Variants in CNTNAP5 observed in about 807,000 individuals in gnomAD.
CNTNAP5 encodes the protein contactin-associated protein-like 5.
CNTNAP5 carries 72 observed loss-of-function variants against 150.2 expected under a neutral mutation model. The observed-to-expected ratio is 0.48, with a 90% confidence interval of 0.40 to 0.58. The LOEUF is 0.58. Ranked by LOEUF, CNTNAP5 falls within the 20% of genes least tolerant of loss-of-function variation. The pLI is 0.00. For synonymous variants in CNTNAP5, 672 were observed against 619.8 expected, an observed-to-expected ratio of 1.08 and a Z score of -1.25; for missense variants, 1,636 against 1,626.2, an observed-to-expected ratio of 1.01 and a Z score of -0.10.
chr2:124,772,667 A>T, intron 16 of CNTNAP5, 132 bp from the exon 17 acceptor site: 1 of 659,644 alleles, frequency 1.5e-6, no homozygotes, highest in Middle Eastern at 4.0e-4. Context: ...TGGTGATTTC[A>T]GTGCTGCAGG....
At chr2:124,750,605 C>A (rs1680703356) in intron 14 of CNTNAP5, among the ~76,000 whole-genome samples, 1 of 152,066 alleles carries the variant, frequency 6.6e-6, no homozygotes, top group Non-Finnish European at 1.5e-5. Flanking sequence ...ACGGTCCCTG[C>A]CCTTGAGGAA....
intron 3 of CNTNAP5, among the ~76,000 whole-genome samples, chr2:124,417,152 C>T (rs917760728): frequency 6.6e-6 from 1 of 151,878 alleles, no homozygotes. Context: ...GCTAGCCAGT[C>T]TGGTCTCAGA....
chr2:124,696,493 C>G (rs1204929052), intron 13 of CNTNAP5, among the ~76,000 whole-genome samples: 1 of 152,144 alleles, frequency 6.6e-6, no homozygotes, highest in Non-Finnish European at 1.5e-5. Flanking sequence ...AAGGCTGATT[C>G]CTGTCTAGTG....
chr2:124,055,924 A>G (rs1297817824), intron 1 of CNTNAP5, among the ~76,000 whole-genome samples: 1 of 151,212 alleles, frequency 6.6e-6, no homozygotes, highest in East Asian at 1.9e-4. Flanking sequence ...ATCCATGTCC[A>G]CTGCCATGGC....
chr2:124,387,456 AAG>A (rs1389685462), intron 3 of CNTNAP5, among the ~76,000 whole-genome samples: 5 of 152,238 alleles, frequency 3.3e-5, no homozygotes, highest in Admixed American at 2.0e-4. Context: ...TGAATCCGAA[AAG>A]AGAGTCAGCG....
At chr2:124,148,097 G>A (rs58085685) in intron 1 of CNTNAP5, among the ~76,000 whole-genome samples, 3 of 152,214 alleles carry the variant, frequency 2.0e-5, no homozygotes, top group African/African-American at 7.2e-5. Context: ...GTCTCAGGTT[G>A]TCAAGGCTTA....
chr2:124,760,131 A>G lies in CNTNAP5; in HGVS notation c.2235-3541A>G, dbSNP rs1573598973. Among the ~76,000 whole-genome samples, 4 of 151,786 alleles carry G rather than the reference A, an allele frequency of 2.6e-5. No individual in the cohort carries two copies. In the South Asian group the frequency reaches 8.3e-4, roughly 32 times the overall value. ...TTTGCAGCCATAAGAAATGTAAAAC[A>G]TCATGTACCCCACTCAGGAGAAGGG... On this transcript the variant is annotated intron_variant, in intron 14 of 23. Transcript: ENST00000682447.
intron 11 of CNTNAP5, among the ~76,000 whole-genome samples, chr2:124,583,455 A>G (rs1696459632): frequency 6.6e-6 from 1 of 152,216 alleles, no homozygotes; most frequent in Admixed American, 6.5e-5. Flanking sequence ...TGAGAAGTGT[A>G]ACAGTGGGAA....
rs577508056 is a variant in CNTNAP5, at chr2:124,620,896, T to C, written c.1876+10976T>C. Among the ~76,000 whole-genome samples, 10 of 152,294 alleles carry C rather than the reference T, an allele frequency of 6.6e-5. No homozygotes were observed. In the South Asian group the frequency reaches 2.1e-3, roughly 32 times the overall value. ...CTTACAGTTGACATAGTATGAATGA[T>C]ATTACATAGTCATTCTAGTCATGAA... On this transcript the variant is annotated intron_variant, in intron 12 of 23. Coordinates refer to ENST00000682447, the MANE Select transcript of CNTNAP5 (RefSeq NM_001367498.1).
chr2:124,238,039 T>A (rs1232792199), intron 2 of CNTNAP5, among the ~76,000 whole-genome samples: 2 of 151,962 alleles, frequency 1.3e-5, no homozygotes, highest in Admixed American at 6.6e-5. Flanking sequence ...TTTGAAAAAA[T>A]TTAAAAAGGG....
intron 3 of CNTNAP5, among the ~76,000 whole-genome samples, chr2:124,375,955 G>C (rs1001955975): frequency 6.6e-6 from 1 of 151,924 alleles, no homozygotes; most frequent in Non-Finnish European, 1.5e-5. Context: ...CCTCAAAATG[G>C]AACCAAAGGT....
chr2:124,085,309 C>G (rs943895886), intron 1 of CNTNAP5, among the ~76,000 whole-genome samples: 4 of 152,080 alleles, frequency 2.6e-5, no homozygotes, highest in Admixed American at 6.6e-5. Flanking sequence ...AAGACTCACT[C>G]ATTTCGTCAA....
chr2:124,713,776 ATCT>A (rs1292848846), intron 13 of CNTNAP5, among the ~76,000 whole-genome samples: 1 of 152,062 alleles, frequency 6.6e-6, no homozygotes, highest in Non-Finnish European at 1.5e-5. Flanking sequence ...CAGAAACCTG[ATCT>A]TCTCTTGTGC....
At chr2:124,788,359 T>C (rs565362994) in intron 17 of CNTNAP5, among the ~76,000 whole-genome samples, 27 of 152,340 alleles carry the variant, frequency 1.8e-4, no homozygotes, top group African/African-American at 5.5e-4. Context: ...CTTCAAGATA[T>C]ATCCTCAGCA....
intron 13 of CNTNAP5, among the ~76,000 whole-genome samples, chr2:124,692,238 A>G (rs762115335): frequency 1.3e-5 from 2 of 151,986 alleles, no homozygotes; most frequent in Non-Finnish European, 2.9e-5. Flanking sequence ...ATAGTTAACT[A>G]TTTTCAACCA....
At chr2:124,152,802 T>C (rs1165883008) in intron 1 of CNTNAP5, among the ~76,000 whole-genome samples, 1 of 152,198 alleles carries the variant, frequency 6.6e-6, no homozygotes, top group Admixed American at 6.5e-5. Context: ...CCAGTGATTC[T>C]GTCTTATTAT....
At chr2:124,624,159 C>T (rs1303272017) in intron 12 of CNTNAP5, among the ~76,000 whole-genome samples, 2 of 152,154 alleles carry the variant, frequency 1.3e-5, no homozygotes, top group Admixed American at 1.3e-4. Context: ...TAATCTCCTG[C>T]TAAATTGGGC....
At chr2:124,524,178 AG>A in intron 8 of CNTNAP5, 124 bp from the exon 9 acceptor site, 3 of 813,622 alleles carry the variant, frequency 3.7e-6, no homozygotes, top group Non-Finnish European at 3.9e-6. Flanking sequence ...GCTTGTATCC[AG>A]CCGAGTGAGG....
rs751028037 is a variant in CNTNAP5 at position 124,763,994 on chromosome 2, G to A, written c.2380G>A (p.Val794Ile). ...ATTTGCAGGACGCTTCTGGAACGCC[G>A]TCTCATTTTATACAGAAGCCTCTTA... The part of the protein sequence containing the change: ...CYGDRRFWNA[V>I]SFYTEASYLH... Residue 794 changes from valine to isoleucine, a missense_variant, in exon 16 of 24, where the codon GTC becomes ATC. Val to Ile is a conservative substitution (Grantham distance 29). Transcript: ENST00000682447. 3.1e-6 allele frequency: 5 copies of A among 1,611,336 alleles called. No homozygotes were observed. Among genetic ancestry groups the A allele is most frequent in the East Asian group, 4.5e-5 (2 of 44,844 alleles).
Sources: allele counts gnomAD v4.1 joint callset (sites outside exome capture counted in the v4.1 genomes callset), GRCh38; gene constraint gnomAD v4.1.1; transcripts MANE v1.5; gene names NCBI Gene and HGNC (gene_info 2026-07-23, HGNC 2026-07-21).